The following DEAF1 variants were observed in gnomAD, a reference collection of about 807,000 sequenced individuals.
DEAF1 encodes deformed epidermal autoregulatory factor 1 homolog.
In DEAF1, 53 loss-of-function variants were observed where a neutral mutation model predicts 58.9. That is an observed-to-expected ratio of 0.90 (90% CI 0.72 to 1.13). The LOEUF is 1.13. Ranked by LOEUF, DEAF1 falls within the 50% of genes most tolerant of loss-of-function variation. DEAF1 has a pLI of 0.00. For missense variants in DEAF1, 685 were observed against 791.4 expected (o/e 0.87, Z 1.61); for synonymous variants, 385 against 340.4 (o/e 1.13, Z -1.44).
intron 10 of DEAF1, among the ~76,000 whole-genome samples, chr11:671,826 T>TAAAAAAAAAAA (rs35325757): frequency 2.2e-4 from 14 of 63,658 alleles, no homozygotes; most frequent in African/African-American, 6.2e-4. Context: ...CCTTACCTCT[T>TAAAAAAAAAAA]AAAAAAAAAA....
chr11:694,668 G>A (rs902458726), intron 1 of DEAF1, 91 bp downstream of exon 1: 4 of 1,191,140 alleles, frequency 3.4e-6, no homozygotes, highest in Admixed American at 4.4e-5. Flanking sequence ...CAGGTGTGGC[G>A]GGCTGGTCAC....
At chr11:690,799 C>T (rs1269049821) in intron 2 of DEAF1, among the ~76,000 whole-genome samples, 2 of 152,152 alleles carry the variant, frequency 1.3e-5, no homozygotes, top group African/African-American at 4.8e-5. Flanking sequence ...GAGATGATGT[C>T]CCAGGTATGT....
chr11:645,129 C>G (rs1185997293), intron 11 of DEAF1, among the ~76,000 whole-genome samples: 2 of 146,904 alleles, frequency 1.4e-5, no homozygotes, highest in Non-Finnish European at 3.0e-5. Context: ...TGCCACTGCA[C>G]TCCAGCCCGG....
intron 11 of DEAF1, among the ~76,000 whole-genome samples, chr11:651,956 G>T (rs1284144642): frequency 6.6e-6 from 1 of 152,138 alleles, no homozygotes; most frequent in Non-Finnish European, 1.5e-5. Context: ...TCTAAATAAG[G>T]GGTAGAACAA....
chr11:704,537 C>T (rs1468552474), intron 1 of DEAF1: 1 of 1,289,330 alleles, frequency 7.8e-7, no homozygotes, highest in Non-Finnish European at 1.0e-6. Context: ...CCTGCACTCG[C>T]AGAAGACCAG....
chr11:698,715 T>A (rs1861309600), upstream of DEAF1, among the ~76,000 whole-genome samples: 1 of 152,164 alleles, frequency 6.6e-6, no homozygotes, highest in Non-Finnish European at 1.5e-5. Context: ...ACGGGAGCTA[T>A]CTAGTGGCAG....
chr11:670,040 A>G (rs1187624306), intron 10 of DEAF1, among the ~76,000 whole-genome samples: 1 of 151,442 alleles, frequency 6.6e-6, no homozygotes, highest in Non-Finnish European at 1.5e-5. Flanking sequence ...ACTGCACTCC[A>G]GCCTGAGTGA....
intron 6 of DEAF1, among the ~76,000 whole-genome samples, chr11:682,640 G>A (rs1050756418): frequency 2.6e-5 from 4 of 152,198 alleles, no homozygotes; most frequent in Non-Finnish European, 5.9e-5. Context: ...GTCTATCAGA[G>A]GGAATTCTGT....
intron 10 of DEAF1, among the ~76,000 whole-genome samples, chr11:668,124 T>G (rs1213560327): frequency 6.6e-6 from 1 of 152,036 alleles, no homozygotes; most frequent in Non-Finnish European, 1.5e-5. Context: ...AAAAAATATA[T>G]ATATGTAAGT....
chr11:680,000 A>AC, intron 7 of DEAF1, 184 bp from the exon 8 acceptor site: 1 of 760,102 alleles, frequency 1.3e-6, no homozygotes, highest in East Asian at 2.8e-5. Context: ...CTCACAGGAG[A>AC]AAACCAGGAT....
chr11:696,262 A>G (rs893408637), upstream of DEAF1, among the ~76,000 whole-genome samples: 13 of 151,494 alleles, frequency 8.6e-5, no homozygotes, highest in African/African-American at 3.2e-4. Flanking sequence ...CGAGAGGAGG[A>G]AGGGACAGAC....
chr11:656,523 C>T (rs6598007), intron 10 of DEAF1, among the ~76,000 whole-genome samples: 8,513 of 152,310 alleles, frequency 0.056, 449 homozygotes, highest in East Asian at 0.29. Flanking sequence ...ACAGCTTCTG[C>T]AGGCTTTATT....
chr11:647,204 T>C (rs1858538298), intron 11 of DEAF1, among the ~76,000 whole-genome samples: 1 of 151,336 alleles, frequency 6.6e-6, no homozygotes, highest in Non-Finnish European at 1.5e-5. Context: ...GCCAGTAATC[T>C]CAGCACTTTG....
chr11:690,967 A>C (rs1436116184), intron 2 of DEAF1, among the ~76,000 whole-genome samples: 1 of 152,200 alleles, frequency 6.6e-6, no homozygotes, highest in Non-Finnish European at 1.5e-5. Context: ...CCACACATAA[A>C]ACATAAAATA....
intron 10 of DEAF1, among the ~76,000 whole-genome samples, chr11:670,210 C>T (rs1210667765): frequency 6.6e-6 from 1 of 152,000 alleles, no homozygotes; most frequent in Non-Finnish European, 1.5e-5. Flanking sequence ...AAACTCACTA[C>T]ATTTTATGGT....
upstream of DEAF1, chr11:695,796 A>C: frequency 8.1e-7 from 1 of 1,235,658 alleles, no homozygotes; most frequent in Non-Finnish European, 1.0e-6. Flanking sequence ...GGCTGCCGGG[A>C]TCGCGACGGA....
chr11:687,099 C>G (rs1860627218), intron 4 of DEAF1, 102 bp from the exon 5 acceptor site: 4 of 1,547,822 alleles, frequency 2.6e-6, no homozygotes, highest in African/African-American at 1.4e-5. Flanking sequence ...AGCACCAGCG[C>G]CCCAGCGGCT....
At chr11:670,770 TG>T (rs1361335489) in intron 10 of DEAF1, among the ~76,000 whole-genome samples, 29 of 71,748 alleles carry the variant, frequency 4.0e-4, no homozygotes, top group South Asian at 1.6e-3. Context: ...TTTTTCTTTT[TG>T]TTTTTGTTTT....
chr11:694,500 G>A lies in DEAF1; in HGVS notation c.289+259C>T, dbSNP rs1861005690. 4 of 345,860 alleles carry A rather than the reference G, an allele frequency of 1.2e-5. No homozygotes were observed. The South Asian group carries it at 2.8e-4, about 24-fold the overall frequency. The allele number at this position is 345,860 out of a possible 1,614,324, so 21.4% of individuals were successfully genotyped here. ...GGTACGTGGGGAAAGTGTGAGGGGC[G>A]GGTGGGGCAGGTGTGAGAGGCAGAT... On this transcript the variant is annotated intron_variant, in intron 1 of 11. Coordinates refer to ENST00000382409, the MANE Select transcript of DEAF1 (RefSeq NM_021008.4).
Sources: gnomAD v4.1 joint callset for allele counts (sites outside exome capture counted in the v4.1 genomes callset) on GRCh38, gnomAD v4.1.1 for gene constraint, MANE v1.5 for transcripts, NCBI Gene and HGNC (gene_info 2026-07-23, HGNC 2026-07-21) for gene names.